CDC40: variants seen among roughly 807,000 people sequenced by gnomAD.
CDC40 encodes the protein cell division cycle 40, also known as pre-mRNA-processing factor 17.
A neutral mutation model predicts 80.6 loss-of-function variants in CDC40; 27 were observed. The ratio of observed to expected loss-of-function variants is 0.33; its 90% CI spans 0.25 to 0.46. The LOEUF is 0.46. Among genes scored for constraint, CDC40 ranks in the 20% least tolerant of loss-of-function variants. The pLI is 1.00. For synonymous variants in CDC40, 221 were observed against 232.6 expected (o/e 0.95, Z 0.45); for missense variants, 486 against 694.1 (o/e 0.70, Z 3.37).
rs904300298 is a variant in CDC40 at position 110,212,808 on chromosome 6, A to G, written c.868-278A>G. The stretch of plus-strand genomic sequence containing the variant: ...CTTTGCAAAGAGCAAAGGACTAAGT[A>G]AAAAAAGGAAGAGAAGTGGGGGTAT... On this transcript the variant is annotated intron_variant, in intron 7 of 14. Coordinates refer to ENST00000307731, the MANE Select transcript of CDC40 (RefSeq NM_015891.3). Among the ~76,000 whole-genome samples the G allele has an allele frequency of 7.2e-5, 11 of 152,186 alleles. 1 individual carries two copies. Among genetic ancestry groups the G allele is most frequent in the Admixed American group, 7.2e-4 (11 of 15,276 alleles).
chr6:110,204,098 C>T (rs1015418582), intron 3 of CDC40, among the ~76,000 whole-genome samples: 9 of 152,020 alleles, frequency 5.9e-5, no homozygotes, highest in Non-Finnish European at 7.4e-5. Flanking sequence ...CTGCAAGCTC[C>T]GCCTCCTGGG....
Position 110,213,133 on chromosome 6 carries a change from G to A in CDC40, c.915G>A (p.Leu305=), listed in dbSNP as rs1777657798. The A allele has an allele frequency of 1.2e-6, 2 of 1,611,178 alleles. No individual in the cohort carries two copies. Among genetic ancestry groups the A allele is most frequent in the African/African-American group, 2.7e-5 (2 of 74,964 alleles). ...RLFPLSGHLL[L]SCSMDCKIKL... The stretch of plus-strand genomic sequence containing the variant: ...TTCCTCTCTCTGGCCATTTATTGCT[G>A]TCTTGTTCCATGGACTGTAAAATTA... Residue 305 remains leucine (L), a synonymous_variant, in exon 8 of 15, where the codon CTG becomes CTA. Transcript: ENST00000307731.
intron 1 of CDC40, among the ~76,000 whole-genome samples, chr6:110,184,909 G>C (rs148856368): frequency 6.6e-6 from 1 of 152,136 alleles, no homozygotes; most frequent in Non-Finnish European, 1.5e-5. Flanking sequence ...ATTACAGTGA[G>C]AGATTTTTAT....
At chr6:110,223,249 T>A (rs1777801849) in intron 12 of CDC40, among the ~76,000 whole-genome samples, 1 of 152,174 alleles carries the variant, frequency 6.6e-6, no homozygotes, top group African/African-American at 2.4e-5. Context: ...CACGCCTGGC[T>A]AATTTTTAAA....
chr6:110,198,200 A>T (rs1343635608), intron 2 of CDC40, among the ~76,000 whole-genome samples: 2 of 141,522 alleles, frequency 1.4e-5, no homozygotes, highest in Non-Finnish European at 3.0e-5. Flanking sequence ...TTTTTTTGAG[A>T]GGAGTCTCGC....
chr6:110,201,758 T>A (rs1188528765), intron 3 of CDC40, 71 bp downstream of exon 3: 2 of 1,304,420 alleles, frequency 1.5e-6, no homozygotes, highest in African/African-American at 2.9e-5. Flanking sequence ...TGTTAGTCTG[T>A]TTTATCTTCT....
At chr6:110,216,373 T>C (rs1777699940) in intron 9 of CDC40, among the ~76,000 whole-genome samples, 1 of 152,202 alleles carries the variant, frequency 6.6e-6, no homozygotes, top group Non-Finnish European at 1.5e-5. Flanking sequence ...CAGTGCTTTA[T>C]GATTTTAAGG....
chr6:110,220,172 T>C (rs1312008731), intron 12 of CDC40, among the ~76,000 whole-genome samples: 2 of 152,148 alleles, frequency 1.3e-5, no homozygotes, highest in Non-Finnish European at 2.9e-5. Flanking sequence ...ACCTTATTCA[T>C]CTCTGTAAAA....
At chr6:110,192,144 T>C (rs928322560) in intron 1 of CDC40, among the ~76,000 whole-genome samples, 5 of 152,078 alleles carry the variant, frequency 3.3e-5, no homozygotes, top group African/African-American at 1.2e-4. Context: ...CTGACTAATA[T>C]TTTGAAAGAA....
chr6:110,221,247 T>TAA lies in CDC40; in HGVS notation c.1340+1382_1340+1383dup, dbSNP rs1349772617. ...AACCATGAGTCCTCCTAGCAAAGACTAAAAAGTGTGTCTTTCCATCCCCAG... is the reference window on the plus strand; with the variant it reads ...AACCATGAGTCCTCCTAGCAAAGACTAAAAAAAGTGTGTCTTTCCATCCCCAG... On this transcript the variant is annotated intron_variant, in intron 12 of 14. Transcript: ENST00000307731. Among the ~76,000 whole-genome samples the TAA allele has an allele frequency of 3.9e-5, 6 of 152,302 alleles. No individual in the cohort carries two copies. The East Asian group carries it at 1.2e-3, about 29-fold the overall frequency.
intron 9 of CDC40, among the ~76,000 whole-genome samples, chr6:110,215,543 G>C (rs535178739): frequency 6.6e-6 from 1 of 152,204 alleles, no homozygotes; most frequent in Non-Finnish European, 1.5e-5. Flanking sequence ...GTGAGACAGC[G>C]TGCTGCTGAG....
intron 1 of CDC40, among the ~76,000 whole-genome samples, 158 bp downstream of exon 1, chr6:110,180,791 G>T (rs1053820641): frequency 2.6e-5 from 4 of 152,194 alleles, no homozygotes; most frequent in Non-Finnish European, 5.9e-5. Context: ...CCTCGGGAGA[G>T]GCAGAATTGG....
intron 2 of CDC40, among the ~76,000 whole-genome samples, chr6:110,199,859 C>T (rs1462550219): frequency 6.6e-6 from 1 of 152,078 alleles, no homozygotes; most frequent in Non-Finnish European, 1.5e-5. Flanking sequence ...AGATGCTGCT[C>T]TGTGGATGAT....
At chr6:110,191,333 G>A (rs77077662) in intron 1 of CDC40, among the ~76,000 whole-genome samples, 10,361 of 152,246 alleles carry the variant, frequency 0.068, 462 homozygotes, top group African/African-American at 0.13. Context: ...AATGTCTGAT[G>A]TTACTTTGCA....
intron 1 of CDC40, among the ~76,000 whole-genome samples, chr6:110,191,280 C>G (rs1372484108): frequency 2.6e-5 from 4 of 152,174 alleles, no homozygotes; most frequent in African/African-American, 9.7e-5. Flanking sequence ...TGCTGCTTCT[C>G]CAACATCAAT....
chr6:110,188,666 G>A (rs1031796461), intron 1 of CDC40, among the ~76,000 whole-genome samples: 2 of 152,134 alleles, frequency 1.3e-5, no homozygotes, highest in African/African-American at 2.4e-5. Flanking sequence ...CCAAACAGAT[G>A]TACCAACCTA....
chr6:110,221,812 A>G (rs1387945909), intron 12 of CDC40, among the ~76,000 whole-genome samples: 1 of 152,056 alleles, frequency 6.6e-6, no homozygotes, highest in Non-Finnish European at 1.5e-5. Flanking sequence ...CTGAAGTAAA[A>G]CATTGGTCAG....
At chr6:110,201,414 C>A in intron 2 of CDC40, 144 bp from the exon 3 acceptor site, 1 of 517,286 alleles carries the variant, frequency 1.9e-6, no homozygotes, top group Non-Finnish European at 3.3e-6. Context: ...CCCAGCTGCA[C>A]TGAACCGTAT....
intron 4 of CDC40, 132 bp downstream of exon 4, chr6:110,207,721 A>T: frequency 1.7e-6 from 1 of 591,948 alleles, no homozygotes; most frequent in Non-Finnish European, 3.1e-6. Flanking sequence ...CAATGGAGCG[A>T]TACAGTTTAG....
Sources: gnomAD v4.1 joint callset for allele counts (sites outside exome capture counted in the v4.1 genomes callset) on GRCh38, gnomAD v4.1.1 for gene constraint, MANE v1.5 for transcripts, NCBI Gene and HGNC (gene_info 2026-07-23, HGNC 2026-07-21) for gene names.